Variants in SPATA21 observed in about 807,000 individuals in gnomAD.
The protein encoded by SPATA21 is spermatogenesis-associated protein 21.
In SPATA21, 47 loss-of-function variants were observed where a neutral mutation model predicts 54.8. The observed-to-expected ratio is 0.86, with a 90% confidence interval of 0.68 to 1.09. The LOEUF (loss-of-function observed/expected upper bound fraction) is 1.09. Ranked by LOEUF, SPATA21 falls within the 50% of genes least tolerant of loss-of-function variation. The pLI is 0.00. For synonymous variants in SPATA21, 245 were observed against 235.3 expected, an observed-to-expected ratio of 1.04 and a Z score of -0.38; for missense variants, 599 against 596.4, an observed-to-expected ratio of 1.00 and a Z score of -0.05.
chr1:16,415,116 C>T (rs2085963680), intron 5 of SPATA21, among the ~76,000 whole-genome samples: 1 of 151,996 alleles, frequency 6.6e-6, no homozygotes, highest in African/African-American at 2.4e-5. Context: ...GCAGGTGGAT[C>T]GCTTGAGCTC....
At chr1:16,420,528 AAG>A (rs1037627752) in intron 5 of SPATA21, among the ~76,000 whole-genome samples, 81 of 152,218 alleles carry the variant, frequency 5.3e-4, no homozygotes, top group African/African-American at 1.8e-3. Flanking sequence ...AAAGGAAAGA[AAG>A]AAAGAAAGGC....
In SPATA21 at chr1:16,403,987, C is replaced by T. The variant is rs370853433; in HGVS notation, c.864G>A (p.Arg288=). 118 of 1,573,022 alleles carry T rather than the reference C, an allele frequency of 7.5e-5. No individual in the cohort carries two copies. The African/African-American group carries it at 1.4e-3, about 19-fold the overall frequency. The change falls in exon 9 of 13, where the codon AGG becomes AGA. Residue 288 remains arginine (R), a synonymous_variant. Coordinates refer to ENST00000335496, the MANE Select transcript of SPATA21 (RefSeq NM_198546.1). ...GCTCACCCACAGAGCAGAAGAAGCG[C>T]CTGGTGTCTGTCATCACAGCCAAGA... is the stretch of plus-strand genomic sequence containing the variant. ...KDFLAVMTDT[R]RFFCSVEQNA...
intron 3 of SPATA21, chr1:16,425,679 C>T (rs1413509039): frequency 1.3e-6 from 2 of 1,550,180 alleles, no homozygotes; most frequent in Admixed American, 3.9e-5. Flanking sequence ...TGATCCTGGC[C>T]TGCTTGCAGC....
Position 16,425,036 on chromosome 1 carries a change from G to A in SPATA21, c.35-3065C>T, listed in dbSNP as rs535736145. 5.7e-4 allele frequency: 185 copies of A among 327,140 alleles called. 5 individuals are homozygous for A. Among genetic ancestry groups the A allele is most frequent in the South Asian group, 4.0e-3 (177 of 44,442 alleles). 20.3% of individuals were successfully genotyped at this position (327,140 alleles called of 1,614,324 possible). A position where few individuals can be genotyped will look rare whatever the true frequency, so the allele number is the denominator to read the frequency against. Reference sequence around the variant, plus strand: ...CGTGTTCAAGCAATTCTCCTGCCTCGGCCTCTTGAGTAGCTGGGATTACAG... The same window carrying A: ...CGTGTTCAAGCAATTCTCCTGCCTCAGCCTCTTGAGTAGCTGGGATTACAG... On this transcript the variant is annotated intron_variant, in intron 3 of 12. Coordinates refer to ENST00000335496, the MANE Select transcript of SPATA21 (RefSeq NM_198546.1).
intron 5 of SPATA21, 105 bp from the exon 6 acceptor site, chr1:16,410,148 T>C (rs2100818425): frequency 1.1e-6 from 1 of 938,990 alleles, no homozygotes; most frequent in Non-Finnish European, 1.6e-6. Context: ...TGCCCCTTAC[T>C]CTCTGAGCCT....
At chr1:16,422,128 G>A (rs1300292546) in intron 3 of SPATA21, 157 bp from the exon 4 acceptor site, 12 of 1,499,726 alleles carry the variant, frequency 8.0e-6, no homozygotes, top group African/African-American at 5.5e-5. Flanking sequence ...CTGGCCAAGC[G>A]GCAGCAAGGC....
At chr1:16,420,214 T>G (rs893746689) in intron 5 of SPATA21, among the ~76,000 whole-genome samples, 5 of 151,874 alleles carry the variant, frequency 3.3e-5, no homozygotes, top group African/African-American at 1.2e-4. Flanking sequence ...GTGGGCTCTG[T>G]AAGGACAGAG....
chr1:16,406,930 G>C (rs1314723986), intron 7 of SPATA21, among the ~76,000 whole-genome samples: 2 of 152,206 alleles, frequency 1.3e-5, no homozygotes, highest in African/African-American at 4.8e-5. Flanking sequence ...CAAAAGAAAT[G>C]TCTGCTGTTT....
intron 7 of SPATA21, among the ~76,000 whole-genome samples, chr1:16,405,577 C>T (rs998310172): frequency 2.6e-5 from 4 of 151,550 alleles, no homozygotes; most frequent in Non-Finnish European, 5.9e-5. Flanking sequence ...AGTAGGATCC[C>T]TTGAGCCCAG....
intron 3 of SPATA21, chr1:16,431,093 C>A: frequency 1.1e-6 from 1 of 903,638 alleles, no homozygotes; most frequent in Non-Finnish European, 1.6e-6. Flanking sequence ...CTGATATATT[C>A]TCTTTTCTGC....
At position 16,409,092 on chromosome 1, in the gene SPATA21, G is replaced by C. The variant is rs2085744032; in HGVS notation, c.673+26C>G. The C allele has an allele frequency of 1.2e-6, 2 of 1,612,688 alleles. No homozygotes were observed. The highest frequency in any genetic ancestry group is 1.7e-6 in the Non-Finnish European group (2 of 1,178,816). On this transcript the variant is annotated intron_variant, in intron 7 of 12. Transcript: ENST00000335496. This position sits in a 1 kb window ranked among gnomAD's most constrained non-coding sequence, Gnocchi z 4.1. ...GGACCAAGGGTCCTGCCTGTGCTGG[G>C]ACCTCCCTGACCTCCCTGCCCTCAC...
chr1:16,430,387 C>T (rs2086430158), intron 3 of SPATA21, among the ~76,000 whole-genome samples: 2 of 152,102 alleles, frequency 1.3e-5, no homozygotes, highest in South Asian at 2.1e-4. Context: ...GAGTCGTGAT[C>T]GCACCACTGC....
intron 11 of SPATA21, 108 bp downstream of exon 11, chr1:16,400,610 CCT>C: frequency 3.3e-6 from 5 of 1,499,614 alleles, no homozygotes; most frequent in Non-Finnish European, 4.4e-6. Context: ...GGGAAACTGG[CCT>C]CTCAGCTCCC....
chr1:16,425,525 T>C, intron 3 of SPATA21: 1 of 1,548,686 alleles, frequency 6.5e-7, no homozygotes, highest in South Asian at 1.2e-5. Flanking sequence ...CTAGGTTACC[T>C]GGCAGCTCTC....
rs369737137 is a variant in SPATA21 at position 16,409,953 on chromosome 1, C to T, written c.235G>A (p.Gly79Arg). The T allele has an allele frequency of 1.1e-5, 18 of 1,613,408 alleles. No homozygotes were observed. Among genetic ancestry groups the T allele is most frequent in the Admixed American group, 1.7e-5 (1 of 59,818 alleles). Residue 79 changes from glycine to arginine, a missense_variant, in exon 6 of 13, where the codon GGG becomes AGG. Gly to Arg is a moderately radical substitution (Grantham distance 125, BLOSUM62 -2). Coordinates refer to ENST00000335496, the MANE Select transcript of SPATA21 (RefSeq NM_198546.1). The surrounding 1 kb of genome is among the most constrained non-coding windows in gnomAD (Gnocchi z 4.1). Reference sequence around the variant, plus strand: ...TTCATGAAGCCCTGCCGGAAGTTCCCGAGGCTCTGTGTCCCTGCAGCCACC... The same window carrying T: ...TTCATGAAGCCCTGCCGGAAGTTCCTGAGGCTCTGTGTCCCTGCAGCCACC... Reference protein sequence around the residue: ...PAVAAGTQSLGNFRQGFMKCL... With the variant: ...PAVAAGTQSLRNFRQGFMKCL...
chr1:16,431,426 CA>C lies in SPATA21; in HGVS notation c.-51-5del. The C allele has an allele frequency of 6.2e-7, 1 of 1,607,574 alleles. No homozygotes were observed. Among genetic ancestry groups the C allele is most frequent in the Non-Finnish European group, 8.5e-7 (1 of 1,176,432 alleles). The stretch of plus-strand genomic sequence containing the variant: ...AGGGGCATCACCTAGTGTGCTCCTA[CA>C]GGAGAAATCCAATCAAGCGTCCCAC... On this transcript the variant is annotated splice_polypyrimidine_tract_variant and splice_region_variant and intron_variant, in intron 2 of 12. Transcript: ENST00000335496.
At chr1:16,400,628 C>T in intron 11 of SPATA21, 92 bp downstream of exon 11, 1 of 1,510,806 alleles carries the variant, frequency 6.6e-7, no homozygotes, top group Non-Finnish European at 8.8e-7. Flanking sequence ...CTCCCTTGGC[C>T]TGGCTGCCTG....
chr1:16,419,023 G>A (rs147055937), intron 5 of SPATA21, among the ~76,000 whole-genome samples: 16 of 152,324 alleles, frequency 1.1e-4, no homozygotes, highest in African/African-American at 3.8e-4. Context: ...TTGCGTTCTA[G>A]ATAATGAATA....
At chr1:16,427,636 T>C (rs2086356373) in intron 3 of SPATA21, among the ~76,000 whole-genome samples, 1 of 152,088 alleles carries the variant, frequency 6.6e-6, no homozygotes, top group South Asian at 2.1e-4. Flanking sequence ...TATATGATGC[T>C]CCTCAAACAA....
Sources: allele counts gnomAD v4.1 joint callset (sites outside exome capture counted in the v4.1 genomes callset), GRCh38; gene constraint gnomAD v4.1.1; non-coding constraint Gnocchi (gnomAD v3.1); transcripts MANE v1.5; gene names NCBI Gene and HGNC (gene_info 2026-07-23, HGNC 2026-07-21).